Variants in ADGRL2 observed in about 807,000 individuals in gnomAD.
ADGRL2 encodes the protein calcium-independent alpha-latrotoxin receptor 2.
Under a neutral mutation model 157.4 loss-of-function variants are expected in ADGRL2, and 44 were observed. The ratio of observed to expected loss-of-function variants is 0.28; its 90% CI spans 0.22 to 0.36. ADGRL2 has a LOEUF of 0.36. Among genes scored for constraint, ADGRL2 ranks in the 10% least tolerant of loss-of-function variants. The pLI is 1.00. For synonymous variants in ADGRL2, 585 were observed against 624.7 expected, an observed-to-expected ratio of 0.94 and a Z score of 0.95; for missense variants, 1,510 against 1,768.9, an observed-to-expected ratio of 0.85 and a Z score of 2.63.
Position 81,546,848 on chromosome 1 carries a change from G to T in ADGRL2, c.-247-34028G>T, listed in dbSNP as rs187039193. Among the ~76,000 whole-genome samples, 29 of 152,278 alleles carry T rather than the reference G, an allele frequency of 1.9e-4. No individual in the cohort carries two copies. In the East Asian group the frequency reaches 5.6e-3, roughly 29 times the overall value. ...GTGTCCTCTAAGTCCTCCCGGCCTG[G>T]TCTTCTCCCAGAGGTGGTCATCTCA... On this transcript the variant is annotated intron_variant, in intron 2 of 24. Coordinates refer to the ADGRL2 transcript ENST00000370721.
chr1:81,959,791 T>C (rs1454993195), intron 11 of ADGRL2, among the ~76,000 whole-genome samples: 1 of 152,074 alleles, frequency 6.6e-6, no homozygotes. Context: ...CTGATAGATA[T>C]GTCAGTTGAG....
At chr1:81,424,292 C>A (rs60770321) in intron 1 of ADGRL2, among the ~76,000 whole-genome samples, 3 of 152,090 alleles carry the variant, frequency 2.0e-5, no homozygotes, top group Non-Finnish European at 4.4e-5. Context: ...ACAGGAGGCA[C>A]GAAGGAAGTG....
Position 81,992,991 on chromosome 1 carries a change from A to G in ADGRL2, c.*1846A>G, listed in dbSNP as rs889494235. ...TAGCTTATAAATCACTTTTATGTGG[A>G]CACACACATGCCTATTGAATTTAAA... On this transcript the variant is annotated 3_prime_UTR_variant, in exon 24 of 24. Transcript: ENST00000686636. 2.7e-5 allele frequency among the ~76,000 whole-genome samples: 4 copies of G among 145,702 alleles called. No individual in the cohort carries two copies. Among genetic ancestry groups the G allele is most frequent in the African/African-American group, 7.6e-5 (3 of 39,292 alleles).
chr1:81,934,485 T>TTATA (rs962336148), intron 3 of ADGRL2, among the ~76,000 whole-genome samples: 1 of 150,942 alleles, frequency 6.6e-6, no homozygotes, highest in African/African-American at 2.4e-5. Context: ...TTTTGAAAAA[T>TTATA]TATATATATA....
chr1:81,849,972 A>G (rs867106819), intron 2 of ADGRL2, among the ~76,000 whole-genome samples: 91 of 152,006 alleles, frequency 6.0e-4, no homozygotes, highest in African/African-American at 2.0e-3. Context: ...TTGAAATGCT[A>G]TATACCAAGA....
At chr1:81,762,895 A>T (rs757020323) in intron 2 of ADGRL2, among the ~76,000 whole-genome samples, 5 of 152,002 alleles carry the variant, frequency 3.3e-5, no homozygotes, top group Admixed American at 1.3e-4. Context: ...TACTAAAAAT[A>T]CAAAAAATTA....
chr1:81,824,879 A>G (rs934899162), intron 1 of ADGRL2, among the ~76,000 whole-genome samples: 6 of 151,696 alleles, frequency 4.0e-5, no homozygotes, highest in Non-Finnish European at 7.4e-5. Context: ...TGACAGAAAC[A>G]GTGCTGAATT....
upstream of ADGRL2, among the ~76,000 whole-genome samples, chr1:81,695,432 A>G (rs56277882): frequency 0.018 from 2,684 of 152,300 alleles, 33 homozygotes; most frequent in South Asian, 0.054. Flanking sequence ...ATCATTGACT[A>G]TATTTCCATC....
chr1:81,350,757 G>C (rs886742234), intron 1 of ADGRL2, among the ~76,000 whole-genome samples: 27 of 152,106 alleles, frequency 1.8e-4, no homozygotes, highest in Non-Finnish European at 2.9e-4. Context: ...TTACATGTAG[G>C]CATTTGTTTA....
chr1:81,644,264 C>G (rs2082274095), intron 3 of ADGRL2, among the ~76,000 whole-genome samples: 1 of 152,096 alleles, frequency 6.6e-6, no homozygotes, highest in East Asian at 1.9e-4. Flanking sequence ...AAGTATAAAA[C>G]TCCTAGAAGA....
intron 1 of ADGRL2, chr1:81,427,340 G>A: frequency 1.4e-6 from 1 of 728,074 alleles, no homozygotes. Context: ...TAGTAGTAGA[G>A]GGGGCTATGG....
chr1:81,562,584 T>G (rs561580190), intron 2 of ADGRL2, among the ~76,000 whole-genome samples: 34 of 152,276 alleles, frequency 2.2e-4, no homozygotes, highest in South Asian at 4.1e-4. Flanking sequence ...AAATATCAAT[T>G]ACACAGTCTT....
chr1:81,876,291 C>A (rs897548979), intron 2 of ADGRL2, among the ~76,000 whole-genome samples: 1 of 151,922 alleles, frequency 6.6e-6, no homozygotes, highest in Admixed American at 6.6e-5. Flanking sequence ...AAGTTAAATA[C>A]CTTTTATCAT....
chr1:81,479,096 T>G (rs375434333), intron 2 of ADGRL2, among the ~76,000 whole-genome samples: 3 of 152,192 alleles, frequency 2.0e-5, no homozygotes, highest in East Asian at 3.9e-4. Context: ...GTTAATGTAT[T>G]TTGTAACCAA....
rs761386272 is a variant in ADGRL2, at chr1:81,464,498, A to C, written c.-248+19409A>C. Among the ~76,000 whole-genome samples, 5 of 152,194 alleles carry C rather than the reference A, an allele frequency of 3.3e-5. No individual in the cohort carries two copies. In the East Asian group the frequency reaches 9.6e-4, roughly 29 times the overall value. On this transcript the variant is annotated intron_variant, in intron 2 of 24. Transcript: ENST00000370721. Reference sequence around the variant, plus strand: ...AAAACTCTGTTATTAATGAACTTCCAGTCGTTATGTAAATGAAACTGATTT... The same window carrying C: ...AAAACTCTGTTATTAATGAACTTCCCGTCGTTATGTAAATGAAACTGATTT...
Position 81,688,467 on chromosome 1 carries a change from G to T in ADGRL2, c.-142-73344G>T, listed in dbSNP as rs571801166. On this transcript the variant is annotated intron_variant, in intron 3 of 24. Coordinates refer to the ADGRL2 transcript ENST00000370721. ...TTCTACTTGTTCAATTCTATTGCTT[G>T]TACTTTCCAGAGCATTTCATATTTC... Among the ~76,000 whole-genome samples the T allele has an allele frequency of 2.0e-5, 3 of 152,050 alleles. No homozygotes were observed. The East Asian group carries it at 5.8e-4, about 29-fold the overall frequency.
chr1:81,651,532 T>C (rs936039569), intron 3 of ADGRL2, among the ~76,000 whole-genome samples: 2 of 152,084 alleles, frequency 1.3e-5, no homozygotes, highest in African/African-American at 4.8e-5. Flanking sequence ...CTTGAAAAAA[T>C]GACCTGTAAC....
At chr1:81,588,815 G>A (rs1381468458) in intron 3 of ADGRL2, among the ~76,000 whole-genome samples, 1 of 152,122 alleles carries the variant, frequency 6.6e-6, no homozygotes, top group Non-Finnish European at 1.5e-5. Flanking sequence ...CATTTATCCT[G>A]CCAATACAGT....
At chr1:81,699,212 A>AAT (rs2083507690), upstream of ADGRL2, among the ~76,000 whole-genome samples, 1 of 152,200 alleles carries the variant, frequency 6.6e-6, no homozygotes, top group Non-Finnish European at 1.5e-5. Context: ...TCGATGTTTA[A>AAT]ATAAAGCTAT....
Sources: gnomAD v4.1 joint callset for allele counts (sites outside exome capture counted in the v4.1 genomes callset) on GRCh38, gnomAD v4.1.1 for gene constraint, MANE v1.5 for transcripts, NCBI Gene and HGNC (gene_info 2026-07-23, HGNC 2026-07-21) for gene names.